CELA1: variants seen among roughly 807,000 people sequenced by gnomAD.
The protein encoded by CELA1 is chymotrypsin-like elastase family member 1.
A neutral mutation model predicts 34.8 loss-of-function variants in CELA1; 28 were observed. The observed-to-expected ratio is 0.80, with a 90% CI of 0.60 to 1.10. The LOEUF is 1.10. CELA1 is among the 50% of genes least tolerant of loss of function. The pLI, the probability that CELA1 is intolerant of heterozygous loss-of-function variation, is 0.00. For missense variants in CELA1, 288 were observed against 327.5 expected (o/e 0.88, Z 0.93); for synonymous variants, 140 against 129.8 (o/e 1.08, Z -0.53).
intron 7 of CELA1, 53 bp downstream of exon 7, chr12:51,329,631 G>A: frequency 6.6e-7 from 1 of 1,512,540 alleles, no homozygotes; most frequent in Non-Finnish European, 8.9e-7. Flanking sequence ...AACCCAGCCA[G>A]TGCGTAGGTC....
intron 6 of CELA1, among the ~76,000 whole-genome samples, chr12:51,331,652 C>T (rs950736108): frequency 7.2e-5 from 11 of 152,126 alleles, no homozygotes; most frequent in African/African-American, 2.7e-4. Context: ...AGGAAATCAA[C>T]AAATAAACAA....
Position 51,341,238 on chromosome 12 carries a change from A to C in CELA1, c.463+6T>G, listed in dbSNP as rs934089. The C allele has an allele frequency of 6.2e-7, 1 of 1,613,672 alleles. No individual in the cohort carries two copies. The highest frequency in any genetic ancestry group is 1.7e-5 in the Admixed American group (1 of 60,002). On this transcript the variant is annotated splice_donor_region_variant and intron_variant, in intron 5 of 7. Coordinates refer to ENST00000293636, the MANE Select transcript of CELA1 (RefSeq NM_001971.6). ...GTGGTGGATTGTGCCAATGTAGGCA[A>C]CTTACTCTTGGTCTTGCCCCAGCCT... is the stretch of plus-strand genomic sequence containing the variant.
In CELA1 at chr12:51,341,295, T is replaced by C; in HGVS notation, c.412A>G (p.Ile138Val). 6.2e-7 allele frequency: 1 copy of C among 1,614,162 alleles called. No individual in the cohort carries two copies. The highest frequency in any genetic ancestry group is 8.5e-7 in the Non-Finnish European group (1 of 1,179,998). The change falls in exon 5 of 8, where the codon ATC becomes GTC. Residue 138 changes from isoleucine to valine, a missense_variant. Transcript: ENST00000293636. ...QLGVLPQEGA[I>V]LANNSPCYIT... ...TAGCAGGGACTGTTGTTAGCCAGGA[T>C]GGCTCCCTCCTGGGGCAGAACACCC...
At chr12:51,338,010 G>A (rs1265884108) in intron 6 of CELA1, among the ~76,000 whole-genome samples, 1 of 151,560 alleles carries the variant, frequency 6.6e-6, no homozygotes, top group African/African-American at 2.4e-5. Context: ...TGGATCACGA[G>A]GTCAGGAGTC....
At chr12:51,340,514 C>T (rs899735250) in intron 5 of CELA1, among the ~76,000 whole-genome samples, 4 of 151,664 alleles carry the variant, frequency 2.6e-5, no homozygotes, top group East Asian at 1.9e-4. Context: ...CTCAGCCTGC[C>T]GAGTAGCTGG....
chr12:51,334,729 T>C (rs568139512), intron 6 of CELA1, among the ~76,000 whole-genome samples: 3 of 152,338 alleles, frequency 2.0e-5, no homozygotes, highest in East Asian at 1.9e-4. Context: ...CCACTGCGCC[T>C]GGCCTAATCC....
chr12:51,336,940 T>G (rs1946502367), intron 6 of CELA1, among the ~76,000 whole-genome samples: 2 of 152,128 alleles, frequency 1.3e-5, no homozygotes, highest in South Asian at 4.1e-4. Context: ...TTCAAAAACA[T>G]GCCTAAAGAA....
Position 51,336,635 on chromosome 12 carries a change from C to CA in CELA1, c.609+3224dup, listed in dbSNP as rs1328770931. Among the ~76,000 whole-genome samples, 17 of 151,652 alleles carry CA rather than the reference C, an allele frequency of 1.1e-4. No individual in the cohort carries two copies. In the East Asian group the frequency reaches 1.2e-3, roughly 10 times the overall value. On this transcript the variant is annotated intron_variant, in intron 6 of 7. Transcript: ENST00000293636. ...GAGGGAGACTCCGTCTCAAACAAAA[C>CA]AAAAAAAACACCAAATTTCTTACTG...
intron 6 of CELA1, among the ~76,000 whole-genome samples, chr12:51,338,627 C>T (rs914627548): frequency 6.6e-6 from 1 of 152,040 alleles, no homozygotes; most frequent in Non-Finnish European, 1.5e-5. Context: ...AGGTACCTAC[C>T]CTTGGGCTTC....
rs1285321444 is a variant in CELA1 at position 51,328,613 on chromosome 12, T to G, written c.760-19A>C. 2 of 1,612,468 alleles carry G rather than the reference T, an allele frequency of 1.2e-6. No individual in the cohort carries two copies. The highest frequency in any genetic ancestry group is 1.3e-5 in the African/African-American group (1 of 74,494). On this transcript the variant is annotated intron_variant, in intron 7 of 7. Transcript: ENST00000293636. ...CGATGACCTGAAGGAAAGACAGTTA[T>G]GTCCACAGTCAGTAACTCCTGCCTA...
intron 3 of CELA1, among the ~76,000 whole-genome samples, chr12:51,343,231 C>G (rs1457736863): frequency 6.6e-6 from 1 of 152,052 alleles, no homozygotes; most frequent in East Asian, 1.9e-4. Context: ...AAGCGTGGTT[C>G]CTGGGCCGCA....
intron 6 of CELA1, among the ~76,000 whole-genome samples, chr12:51,330,703 A>G (rs1946464150): frequency 6.6e-6 from 1 of 152,148 alleles, no homozygotes; most frequent in East Asian, 1.9e-4. Flanking sequence ...GGGCCCAGTG[A>G]CTCATGCCTG....
chr12:51,342,706 G>C lies in CELA1; in HGVS notation c.201-6C>G. The stretch of plus-strand genomic sequence containing the variant: ...CCACGCGGAAAGTCTTCTGGCTGGC[G>C]TGAGAGAAGGAATCCCTGAGTCATC... On this transcript the variant is annotated splice_region_variant and splice_polypyrimidine_tract_variant and intron_variant, in intron 3 of 7. Transcript: ENST00000293636. 2 of 1,613,940 alleles carry C rather than the reference G, an allele frequency of 1.2e-6. No individual in the cohort carries two copies. The highest frequency in any genetic ancestry group is 1.7e-6 in the Non-Finnish European group (2 of 1,179,888).
At position 51,339,807 on chromosome 12, in the gene CELA1, G is replaced by C. The variant is rs150639011; in HGVS notation, c.609+53C>G. 744 of 1,581,904 alleles carry C rather than the reference G, an allele frequency of 4.7e-4. 3 individuals carry two copies. The Middle Eastern group carries it at 8.5e-3, about 18-fold the overall frequency. Reference sequence around the variant, plus strand: ...TAGGGAGGTGAGGAAGAGGGGTGGAGGGATAGGCAGAGAGTGGCGGGACCT... The same window carrying C: ...TAGGGAGGTGAGGAAGAGGGGTGGACGGATAGGCAGAGAGTGGCGGGACCT... On this transcript the variant is annotated intron_variant, in intron 6 of 7. Coordinates refer to ENST00000293636, the MANE Select transcript of CELA1 (RefSeq NM_001971.6).
intron 2 of CELA1, 125 bp downstream of exon 2, chr12:51,345,670 A>G: frequency 1.3e-6 from 1 of 786,356 alleles, no homozygotes; most frequent in Admixed American, 2.0e-5. Context: ...CATCTTTAAA[A>G]TCGAGAACCT....
In CELA1 at chr12:51,334,490, G is replaced by A. The variant is rs2137477075; in HGVS notation, c.610-4657C>T. 1.3e-5 allele frequency among the ~76,000 whole-genome samples: 2 copies of A among 152,066 alleles called. 1 individual carries two copies. Among genetic ancestry groups the A allele is most frequent in the East Asian group, 3.9e-4 (2 of 5,160 alleles). On this transcript the variant is annotated intron_variant, in intron 6 of 7. Transcript: ENST00000293636. ...GCTCTGTTGCCCAGGCTGGAGTGCA[G>A]TGGCACGATTTCAGCTCACTGCAAG...
intron 6 of CELA1, among the ~76,000 whole-genome samples, chr12:51,338,626 C>T (rs901883676): frequency 2.6e-5 from 4 of 152,136 alleles, no homozygotes; most frequent in Non-Finnish European, 5.9e-5. Context: ...TAGGTACCTA[C>T]CCTTGGGCTT....
intron 3 of CELA1, 107 bp from the exon 4 acceptor site, chr12:51,342,807 AG>A (rs1946545605): frequency 1.6e-6 from 2 of 1,276,794 alleles, no homozygotes; most frequent in South Asian, 3.3e-5. Context: ...ATTATTATTT[AG>A]GAAATTTTTT....
chr12:51,345,744 G>T, intron 2 of CELA1, 51 bp downstream of exon 2: 2 of 1,223,086 alleles, frequency 1.6e-6, no homozygotes, highest in Non-Finnish European at 2.4e-6. Context: ...CTTATGTCAT[G>T]CACTGAGCTC....
Sources: allele counts gnomAD v4.1 joint callset (sites outside exome capture counted in the v4.1 genomes callset), GRCh38; gene constraint gnomAD v4.1.1; transcripts MANE v1.5; gene names NCBI Gene and HGNC (gene_info 2026-07-23, HGNC 2026-07-21).